The following KAZN variants were observed in gnomAD, a reference collection of about 807,000 sequenced individuals.
The protein encoded by KAZN is kazrin, periplakin interacting protein.
Under a neutral mutation model 87.4 loss-of-function variants are expected in KAZN, and 40 were observed. The ratio of observed to expected loss-of-function variants is 0.46; its 90% CI spans 0.36 to 0.60. The LOEUF is 0.60. Among genes scored for constraint, KAZN ranks in the 20% least tolerant of loss-of-function variants. KAZN has a pLI of 0.00. For synonymous variants in KAZN, 466 were observed against 458.3 expected, an observed-to-expected ratio of 1.02 and a Z score of -0.22; for missense variants, 898 against 1,073.9, an observed-to-expected ratio of 0.84 and a Z score of 2.29.
At chr1:14,115,392 A>T (rs1258227299) in intron 1 of KAZN, among the ~76,000 whole-genome samples, 1 of 152,144 alleles carries the variant, frequency 6.6e-6, no homozygotes, top group Non-Finnish European at 1.5e-5. Flanking sequence ...TAATTGAATC[A>T]TGGGGGCAGG....
chr1:14,511,888 CGCATTAGTT>C (rs1557767919), intron 2 of KAZN, among the ~76,000 whole-genome samples: 1 of 152,060 alleles, frequency 6.6e-6, no homozygotes, highest in East Asian at 1.9e-4. Flanking sequence ...CATAAATAAA[CGCATTAGTT>C]TAAACATCAG....
intron 1 of KAZN, among the ~76,000 whole-genome samples, chr1:14,071,609 A>G (rs1015762351): frequency 1.3e-5 from 2 of 152,158 alleles, no homozygotes; most frequent in African/African-American, 4.8e-5. Flanking sequence ...CTCTGGGAAG[A>G]TGGGGGCAGC....
rs146219963 is a variant in KAZN at position 14,805,762 on chromosome 1, A to AAATAATAAT, written c.227-154886_227-154878dup. On this transcript the variant is annotated intron_variant, in intron 1 of 14. Coordinates refer to ENST00000376030, the MANE Select transcript of KAZN (RefSeq NM_201628.3). Reference sequence around the variant, plus strand: ...GGAGACAGAGCAACACCCCATCTCAAAATAATAATAATAATAATAATAATA... The same window carrying AAATAATAAT: ...GGAGACAGAGCAACACCCCATCTCAAAATAATAATAATAATAATAATAATAATAATAATA... Among the ~76,000 whole-genome samples the AAATAATAAT allele has an allele frequency of 1.3e-3, 182 of 143,020 alleles. 1 individual carries two copies. The highest frequency in any genetic ancestry group is 5.1e-3 in the East Asian group (24 of 4,718). The allele number at this position is 143,020 out of a possible 152,430, so 93.8% of individuals were successfully genotyped here. A position where few individuals can be genotyped will look rare whatever the true frequency, so the allele number is the denominator to read the frequency against.
At chr1:15,023,189 A>G (rs1428325329) in intron 2 of KAZN, among the ~76,000 whole-genome samples, 1 of 152,336 alleles carries the variant, frequency 6.6e-6, no homozygotes. Context: ...TTAGAAATCC[A>G]GGAACAAGCT....
At chr1:14,201,575 A>G (rs1646640622) in intron 2 of KAZN, among the ~76,000 whole-genome samples, 1 of 152,186 alleles carries the variant, frequency 6.6e-6, no homozygotes, top group Non-Finnish European at 1.5e-5. Context: ...TCTGCAGACA[A>G]AGCCCCAGCA....
At chr1:14,160,197 A>G (rs1180679989) in intron 1 of KAZN, among the ~76,000 whole-genome samples, 1 of 152,176 alleles carries the variant, frequency 6.6e-6, no homozygotes, top group Non-Finnish European at 1.5e-5. Flanking sequence ...AAGGCCCCAC[A>G]GCACTTTAGC....
At chr1:14,134,592 T>A (rs1431844592) in intron 1 of KAZN, among the ~76,000 whole-genome samples, 1 of 152,214 alleles carries the variant, frequency 6.6e-6, no homozygotes. Context: ...ATTTTATTGG[T>A]AGCAGTAGAA....
chr1:14,997,389 C>G (rs1375666513), intron 2 of KAZN, among the ~76,000 whole-genome samples: 1 of 151,858 alleles, frequency 6.6e-6, no homozygotes. Context: ...TACAGGCATG[C>G]GTCACCACAC....
intron 2 of KAZN, among the ~76,000 whole-genome samples, chr1:14,981,506 C>T (rs908068601): frequency 6.6e-6 from 1 of 152,218 alleles, no homozygotes; most frequent in African/African-American, 2.4e-5. Context: ...CCTATGCAAC[C>T]CCATAGCCTG....
chr1:14,483,725 G>A (rs528905943), intron 2 of KAZN, among the ~76,000 whole-genome samples: 13 of 152,156 alleles, frequency 8.5e-5, no homozygotes, highest in East Asian at 5.8e-4. Context: ...TTGTCTCTTC[G>A]TTCTGTTGAC....
chr1:15,015,914 A>T (rs1222220759), intron 2 of KAZN, among the ~76,000 whole-genome samples: 2 of 152,144 alleles, frequency 1.3e-5, no homozygotes, highest in Non-Finnish European at 2.9e-5. Context: ...AGACACTGTG[A>T]TCGGAGGGCA....
At chr1:14,406,897 T>C (rs967887092) in intron 2 of KAZN, among the ~76,000 whole-genome samples, 5 of 152,158 alleles carry the variant, frequency 3.3e-5, no homozygotes, top group Admixed American at 2.6e-4. Flanking sequence ...AGATAGCTCA[T>C]AGGCTTGAAG....
intron 1 of KAZN, among the ~76,000 whole-genome samples, chr1:14,051,404 C>CT (rs756223647): frequency 4.0e-5 from 6 of 151,786 alleles, no homozygotes; most frequent in African/African-American, 7.3e-5. Context: ...TGGGTTTTTT[C>CT]TTTATTTTTA....
At chr1:14,472,594 A>G (rs1263727444) in intron 2 of KAZN, among the ~76,000 whole-genome samples, 1 of 152,130 alleles carries the variant, frequency 6.6e-6, no homozygotes, top group Non-Finnish European at 1.5e-5. Context: ...TGGAAGTAGC[A>G]GAAAACAGAA....
At chr1:14,597,928 G>A (rs957970252), upstream of KAZN, among the ~76,000 whole-genome samples, 7 of 152,190 alleles carry the variant, frequency 4.6e-5, no homozygotes, top group African/African-American at 1.7e-4. Context: ...TGGGTAAACT[G>A]AGGCAGCAGG....
At chr1:14,732,130 T>G (rs1643705026) in intron 1 of KAZN, among the ~76,000 whole-genome samples, 1 of 152,186 alleles carries the variant, frequency 6.6e-6, no homozygotes, top group East Asian at 1.9e-4. Flanking sequence ...TAGTCACAGT[T>G]TCAACATTCC....
intron 1 of KAZN, among the ~76,000 whole-genome samples, chr1:14,019,852 AT>A (rs1640741741): frequency 6.6e-6 from 1 of 151,990 alleles, no homozygotes; most frequent in Non-Finnish European, 1.5e-5. Flanking sequence ...ACGGAAGACA[AT>A]TTTTCCATGG....
chr1:14,803,853 T>C (rs1436867535), intron 1 of KAZN, among the ~76,000 whole-genome samples: 2 of 152,236 alleles, frequency 1.3e-5, no homozygotes, highest in African/African-American at 4.8e-5. Flanking sequence ...TTCCAATCCA[T>C]GCCTTCCTCT....
At chr1:14,710,232 C>T in intron 1 of KAZN, among the ~76,000 whole-genome samples, 1 of 152,184 alleles carries the variant, frequency 6.6e-6, no homozygotes, top group East Asian at 1.9e-4. Context: ...CCCATTTCCC[C>T]CAACTCCATT....
Sources: allele counts gnomAD v4.1 joint callset (sites outside exome capture counted in the v4.1 genomes callset), GRCh38; gene constraint gnomAD v4.1.1; transcripts MANE v1.5; gene names NCBI Gene and HGNC (gene_info 2026-07-23, HGNC 2026-07-21).